The following CFDP1 variants were observed in gnomAD, a reference collection of about 807,000 sequenced individuals.
CFDP1 encodes chromatin remodeling protein CFDP1.
A neutral mutation model predicts 40.1 loss-of-function variants in CFDP1; 31 were observed. That is an observed-to-expected ratio of 0.77 (90% confidence interval 0.58 to 1.04). The LOEUF (loss-of-function observed/expected upper bound fraction) is 1.04, where lower values mean the gene tolerates loss of function less well. Among genes scored for constraint, CFDP1 ranks in the 50% least tolerant of loss-of-function variants. The pLI is 0.00. For missense variants in CFDP1, 423 were observed against 343.4 expected (o/e 1.23, Z -1.83); for synonymous variants, 167 against 120.0 (o/e 1.39, Z -2.56).
At chr16:75,375,910 G>C (rs1486253015) in intron 5 of CFDP1, among the ~76,000 whole-genome samples, 1 of 152,084 alleles carries the variant, frequency 6.6e-6, no homozygotes, top group Non-Finnish European at 1.5e-5. Context: ...GGAACTGTTT[G>C]GCAGTTTCTT....
intron 5 of CFDP1, among the ~76,000 whole-genome samples, chr16:75,376,369 G>T (rs1249330495): frequency 6.6e-6 from 1 of 152,136 alleles, no homozygotes; most frequent in Non-Finnish European, 1.5e-5. Flanking sequence ...CAGGATAGAT[G>T]GATAAACTGT....
chr16:75,405,368 C>G (rs2079088873), intron 4 of CFDP1, among the ~76,000 whole-genome samples: 1 of 152,072 alleles, frequency 6.6e-6, no homozygotes, highest in Non-Finnish European at 1.5e-5. Flanking sequence ...TGACTCATGT[C>G]TGTAATCCCA....
chr16:75,328,422 G>A (rs1216809685), intron 5 of CFDP1, among the ~76,000 whole-genome samples: 12 of 139,104 alleles, frequency 8.6e-5, no homozygotes, highest in Non-Finnish European at 1.7e-4. Context: ...CCGTCTCATC[G>A]AAAAATACAA....
intron 5 of CFDP1, among the ~76,000 whole-genome samples, chr16:75,346,684 C>CT (rs2078568500): frequency 7.3e-6 from 1 of 137,750 alleles, no homozygotes; most frequent in Non-Finnish European, 1.5e-5. Flanking sequence ...ATTGGATATA[C>CT]TTTGATTTTC....
intron 5 of CFDP1, among the ~76,000 whole-genome samples, chr16:75,375,568 G>A (rs1033992849): frequency 5.9e-5 from 9 of 152,080 alleles, no homozygotes; most frequent in African/African-American, 1.9e-4. Flanking sequence ...GAGGCGGGTG[G>A]ATCACCTCAG....
chr16:75,423,385 G>C (rs536252755), intron 1 of CFDP1, among the ~76,000 whole-genome samples: 2 of 152,012 alleles, frequency 1.3e-5, no homozygotes, highest in African/African-American at 2.4e-5. Flanking sequence ...GGAGTTTTAG[G>C]CTGCAGTGAG....
At chr16:75,397,112 C>T (rs1312896495) in intron 4 of CFDP1, among the ~76,000 whole-genome samples, 10 of 151,694 alleles carry the variant, frequency 6.6e-5, no homozygotes, top group South Asian at 6.3e-4. Context: ...GATGGGGTTT[C>T]ACCGTGTTAG....
At chr16:75,318,222 G>A (rs934492652) in intron 5 of CFDP1, among the ~76,000 whole-genome samples, 2 of 152,020 alleles carry the variant, frequency 1.3e-5, no homozygotes, top group Non-Finnish European at 2.9e-5. Flanking sequence ...CTGGTCTGAC[G>A]GCTGGAGCCA....
intron 5 of CFDP1, among the ~76,000 whole-genome samples, chr16:75,393,175 T>C (rs1282811730): frequency 2.0e-5 from 3 of 152,118 alleles, no homozygotes; most frequent in East Asian, 3.9e-4. Flanking sequence ...TCCTCAGCCC[T>C]CACTGTGTTC....
chr16:75,296,409 AAATCTTTTGTAAAG>A (rs1294870948), intron 6 of CFDP1, among the ~76,000 whole-genome samples: 1 of 152,054 alleles, frequency 6.6e-6, no homozygotes, highest in African/African-American at 2.4e-5. Flanking sequence ...GGCTAATTTT[AAATCTTTTGTAAAG>A]ATAGGGTCTC....
intron 4 of CFDP1, among the ~76,000 whole-genome samples, chr16:75,396,924 T>A (rs2078998837): frequency 6.6e-6 from 1 of 152,032 alleles, no homozygotes. Context: ...GTTTGTTTGT[T>A]TTCATTTGAG....
chr16:75,411,211 C>A (rs2151584359), intron 4 of CFDP1, among the ~76,000 whole-genome samples: 1 of 151,810 alleles, frequency 6.6e-6, no homozygotes, highest in Middle Eastern at 3.4e-3. Flanking sequence ...GAGCGAGACT[C>A]CATCTAAAAA....
intron 1 of CFDP1, among the ~76,000 whole-genome samples, chr16:75,429,813 T>C (rs2079388310): frequency 6.6e-6 from 1 of 152,180 alleles, no homozygotes; most frequent in Non-Finnish European, 1.5e-5. Context: ...AGAGTCAAAT[T>C]AGCAGTGTCG....
At chr16:75,386,432 GA>G (rs927140186) in intron 5 of CFDP1, among the ~76,000 whole-genome samples, 9 of 152,128 alleles carry the variant, frequency 5.9e-5, no homozygotes, top group African/African-American at 2.2e-4. Flanking sequence ...TTTTTGCTTT[GA>G]AAACTTTTTG....
chr16:75,368,952 T>G lies in CFDP1; in HGVS notation c.650+26138A>C, dbSNP rs368222457. On this transcript the variant is annotated intron_variant, in intron 5 of 6. Coordinates refer to ENST00000283882, the MANE Select transcript of CFDP1 (RefSeq NM_006324.3). Reference sequence around the variant, plus strand: ...ATCAGTACTTTCCTTTTTACATTTTTCAATAACTTAAAGAAAGTAAGGATA... The same window carrying G: ...ATCAGTACTTTCCTTTTTACATTTTGCAATAACTTAAAGAAAGTAAGGATA... Among the ~76,000 whole-genome samples the G allele has an allele frequency of 3.3e-5, 5 of 152,322 alleles. No homozygotes were observed. In the South Asian group the frequency reaches 6.2e-4, roughly 19 times the overall value.
chr16:75,295,447 TAAATA>T (rs1211418729), intron 6 of CFDP1, among the ~76,000 whole-genome samples: 5 of 152,200 alleles, frequency 3.3e-5, no homozygotes, highest in African/African-American at 7.2e-5. Context: ...TTGTGTGGAT[TAAATA>T]AAATAGTGTC....
chr16:75,333,848 TGGTTTTTAA>T (rs1281575792), intron 5 of CFDP1, among the ~76,000 whole-genome samples: 1 of 152,222 alleles, frequency 6.6e-6, no homozygotes, highest in Non-Finnish European at 1.5e-5. Flanking sequence ...TACCACATTC[TGGTTTTTAA>T]GACAGCCCAT....
chr16:75,325,582 T>C (rs2078395764), intron 5 of CFDP1, among the ~76,000 whole-genome samples: 1 of 152,236 alleles, frequency 6.6e-6, no homozygotes, highest in South Asian at 2.1e-4. Flanking sequence ...TTACTGTCTA[T>C]TTCTCTGCTG....
At chr16:75,356,801 C>A (rs1453437726) in intron 5 of CFDP1, among the ~76,000 whole-genome samples, 1 of 152,172 alleles carries the variant, frequency 6.6e-6, no homozygotes, top group Non-Finnish European at 1.5e-5. Context: ...AGTGTAGCCA[C>A]CTTCATCAAT....
Sources: gnomAD v4.1 joint callset for allele counts (sites outside exome capture counted in the v4.1 genomes callset) on GRCh38, gnomAD v4.1.1 for gene constraint, MANE v1.5 for transcripts, NCBI Gene and HGNC (gene_info 2026-07-23, HGNC 2026-07-21) for gene names.